TDRD3: variants seen among roughly 807,000 people sequenced by gnomAD.
TDRD3 encodes tudor domain containing 3.
A neutral mutation model predicts 86.7 loss-of-function variants in TDRD3; 45 were observed. That is an observed-to-expected ratio of 0.52 (90% CI 0.41 to 0.67). TDRD3 has a LOEUF of 0.67. TDRD3 is among the 30% of genes least tolerant of loss of function. TDRD3 has a pLI of 0.00. For missense variants in TDRD3, 814 were observed against 889.0 expected, an observed-to-expected ratio of 0.92 and a Z score of 1.07; for synonymous variants, 298 against 301.7, an observed-to-expected ratio of 0.99 and a Z score of 0.13.
chr13:60,410,548 G>C lies in TDRD3; in HGVS notation c.41+13143G>C, dbSNP rs76204749. 7.4e-3 allele frequency among the ~76,000 whole-genome samples: 1,122 copies of C among 152,296 alleles called. 17 individuals are homozygous for C. Among genetic ancestry groups the C allele is most frequent in the African/African-American group, 0.025 (1,059 of 41,544 alleles). On this transcript the variant is annotated intron_variant, in intron 1 of 13. Transcript: ENST00000377881. ...GCAACCCTTTGTGTCTGTGCTGAGA[G>C]TGCAAGTTGATATTCAGGGGCCTCT...
At position 60,535,270 on chromosome 13, in the gene TDRD3, T is replaced by C. The variant is rs755682145; in HGVS notation, c.2118+37T>C. 19 of 1,566,036 alleles carry C rather than the reference T, an allele frequency of 1.2e-5. No individual in the cohort carries two copies. In the East Asian group the frequency reaches 3.9e-4, roughly 32 times the overall value. On this transcript the variant is annotated intron_variant, in intron 12 of 13. Coordinates refer to ENST00000377881, the MANE Select transcript of TDRD3 (RefSeq NM_001146070.2). ...ATATTCTGTACAAAGGCATAAACTATTTTGAAGAAAATATATAGCTCTAAA... is the reference window on the plus strand; with the variant it reads ...ATATTCTGTACAAAGGCATAAACTACTTTGAAGAAAATATATAGCTCTAAA...
chr13:60,425,318 C>T (rs538373727), intron 1 of TDRD3, among the ~76,000 whole-genome samples: 5 of 152,188 alleles, frequency 3.3e-5, no homozygotes, highest in African/African-American at 1.2e-4. Flanking sequence ...GATGTATCAC[C>T]TCACACCTAT....
chr13:60,486,194 C>A (rs925139270), intron 7 of TDRD3, among the ~76,000 whole-genome samples: 1 of 152,094 alleles, frequency 6.6e-6, no homozygotes, highest in Non-Finnish European at 1.5e-5. Context: ...AAATTACCCT[C>A]CTTTTCTCCT....
chr13:60,492,169 A>G (rs1310865819), intron 7 of TDRD3, among the ~76,000 whole-genome samples: 2 of 152,222 alleles, frequency 1.3e-5, no homozygotes, highest in African/African-American at 4.8e-5. Context: ...CATACAATGG[A>G]AAGAAAATTA....
At chr13:60,535,658 C>T (rs1957683292) in intron 12 of TDRD3, 1 of 154,184 alleles carries the variant, frequency 6.5e-6, no homozygotes, top group South Asian at 2.0e-4. Flanking sequence ...AAAAAAAACA[C>T]TTTAAGTTAT....
chr13:60,457,102 C>T (rs1182951513), intron 3 of TDRD3, among the ~76,000 whole-genome samples: 1 of 151,958 alleles, frequency 6.6e-6, no homozygotes, highest in Non-Finnish European at 1.5e-5. Flanking sequence ...GTTTTAACTA[C>T]AGAGTATAAG....
chr13:60,501,889 A>G (rs765045534), intron 8 of TDRD3, among the ~76,000 whole-genome samples: 1 of 152,208 alleles, frequency 6.6e-6, no homozygotes, highest in Non-Finnish European at 1.5e-5. Flanking sequence ...TAAAATTTTT[A>G]TGCTTCTTTT....
At chr13:60,532,736 C>T (rs1480511836) in intron 11 of TDRD3, among the ~76,000 whole-genome samples, 1 of 152,070 alleles carries the variant, frequency 6.6e-6, no homozygotes, top group Non-Finnish European at 1.5e-5. Context: ...TAAACTAGTT[C>T]AGCTATTTTT....
At chr13:60,554,527 G>A (rs1427269322) in intron 12 of TDRD3, among the ~76,000 whole-genome samples, 1 of 152,130 alleles carries the variant, frequency 6.6e-6, no homozygotes, top group Non-Finnish European at 1.5e-5. Flanking sequence ...TACACTGGGG[G>A]CAGGGGCACA....
Position 60,573,730 on chromosome 13 carries a change from A to C in TDRD3, c.*124A>C. ...GTGGTGGATATTATTATTTGAAGAAAGAAAAAACAGATTTTAGGGTGGAAA... is the reference window on the plus strand; with the variant it reads ...GTGGTGGATATTATTATTTGAAGAACGAAAAAACAGATTTTAGGGTGGAAA... On this transcript the variant is annotated 3_prime_UTR_variant, in exon 14 of 14. Coordinates refer to ENST00000377881, the MANE Select transcript of TDRD3 (RefSeq NM_001146070.2). 3 of 888,208 alleles carry C rather than the reference A, an allele frequency of 3.4e-6. No individual in the cohort carries two copies. The highest frequency in any genetic ancestry group is 4.0e-6 in the Non-Finnish European group (3 of 741,310). The allele number at this position is 888,208 out of a possible 1,614,324, so 55.0% of individuals were successfully genotyped here.
chr13:60,471,734 A>G (rs574158409), intron 5 of TDRD3, among the ~76,000 whole-genome samples: 1 of 152,238 alleles, frequency 6.6e-6, no homozygotes, highest in African/African-American at 2.4e-5. Context: ...AACTTTATTG[A>G]ATTTAGTATT....
At chr13:60,415,127 T>C (rs1954468858) in intron 1 of TDRD3, among the ~76,000 whole-genome samples, 1 of 152,072 alleles carries the variant, frequency 6.6e-6, no homozygotes, top group African/African-American at 2.4e-5. Context: ...AAAAAATTCA[T>C]GTGTTGATTT....
At chr13:60,547,276 C>G in intron 12 of TDRD3, 1 of 985,354 alleles carries the variant, frequency 1.0e-6, no homozygotes, top group Non-Finnish European at 1.2e-6. Flanking sequence ...TGTGCTTTAT[C>G]CTGAAAGGAT....
chr13:60,545,115 C>G (rs1397344725), intron 12 of TDRD3, among the ~76,000 whole-genome samples: 1 of 152,060 alleles, frequency 6.6e-6, no homozygotes, highest in African/African-American at 2.4e-5. Context: ...TCTATATGCT[C>G]AAGGGATTAA....
Position 60,494,556 on chromosome 13 carries a change from A to C in TDRD3, c.839A>C (p.Glu280Ala), listed in dbSNP as rs763041982. The C allele has an allele frequency of 6.2e-7, 1 of 1,613,726 alleles. No individual in the cohort carries two copies. The highest frequency in any genetic ancestry group is 2.2e-5 in the East Asian group (1 of 44,788). The change falls in exon 8 of 14, where the codon GAA becomes GCA. Residue 280 changes from glutamate to alanine, a missense_variant. Physicochemically the swap from Glu to Ala is moderately radical, Grantham distance 107. Coordinates refer to ENST00000377881, the MANE Select transcript of TDRD3 (RefSeq NM_001146070.2). ...TCAACCAAATCAGAGGGAAAACATGAAGGTGTCTATAGAGAACTGGTAAGG... is the reference window on the plus strand; with the variant it reads ...TCAACCAAATCAGAGGGAAAACATGCAGGTGTCTATAGAGAACTGGTAAGG... The part of the protein sequence containing the change: ...EKSTKSEGKH[E>A]GVYRELVDEK...
chr13:60,400,833 A>G (rs1480090131), intron 1 of TDRD3, among the ~76,000 whole-genome samples: 3 of 152,160 alleles, frequency 2.0e-5, no homozygotes, highest in Non-Finnish European at 2.9e-5. Flanking sequence ...GAGAGTTTCA[A>G]TAATTTGCTC....
intron 5 of TDRD3, among the ~76,000 whole-genome samples, chr13:60,481,573 T>C (rs1302745831): frequency 6.6e-6 from 1 of 152,102 alleles, no homozygotes; most frequent in Non-Finnish European, 1.5e-5. Flanking sequence ...TGGTGGTTTT[T>C]TTCTTTTATA....
At chr13:60,487,918 T>A (rs1956483328) in intron 7 of TDRD3, among the ~76,000 whole-genome samples, 1 of 152,212 alleles carries the variant, frequency 6.6e-6, no homozygotes, top group Non-Finnish European at 1.5e-5. Context: ...TTTCTTCACA[T>A]CCTCACCAGT....
chr13:60,483,646 T>C (rs1042055096), intron 5 of TDRD3, 129 bp from the exon 6 acceptor site: 1 of 742,784 alleles, frequency 1.3e-6, no homozygotes, highest in African/African-American at 1.8e-5. Flanking sequence ...AAATACTTCA[T>C]GGAAGGCCTT....
Sources: gnomAD v4.1 joint callset for allele counts (sites outside exome capture counted in the v4.1 genomes callset) on GRCh38, gnomAD v4.1.1 for gene constraint, MANE v1.5 for transcripts, NCBI Gene and HGNC (gene_info 2026-07-23, HGNC 2026-07-21) for gene names.